The following TACC2 variants were observed in gnomAD, a reference collection of about 807,000 sequenced individuals.
The protein encoded by TACC2 is transforming acidic coiled-coil-containing protein 2.
Under a neutral mutation model 227.3 loss-of-function variants are expected in TACC2, and 137 were observed. That is an observed-to-expected ratio of 0.60 (90% CI 0.52 to 0.69). The LOEUF is 0.69. TACC2 is among the 30% of genes least tolerant of loss of function. The pLI is 0.00. For missense variants in TACC2, 3,470 were observed against 3,694.4 expected, an observed-to-expected ratio of 0.94 and a Z score of 1.57; for synonymous variants, 1,523 against 1,487.5, an observed-to-expected ratio of 1.02 and a Z score of -0.55.
At chr10:122,161,396 G>A (rs868360845) in intron 7 of TACC2, among the ~76,000 whole-genome samples, 3 of 152,246 alleles carry the variant, frequency 2.0e-5, no homozygotes, top group Middle Eastern at 3.4e-3. Context: ...TACTATACTT[G>A]GGGGGAAATT....
intron 9 of TACC2, chr10:122,213,486 G>T: frequency 1.8e-6 from 2 of 1,123,696 alleles, no homozygotes; most frequent in Non-Finnish European, 2.7e-6. Context: ...CTACTGATGT[G>T]TTTCTGTGGT....
chr10:122,104,862 T>A (rs7090284), intron 5 of TACC2, among the ~76,000 whole-genome samples: 134,220 of 152,260 alleles, frequency 0.88, 60,654 homozygotes, highest in East Asian at 0.98. Context: ...ACATCTCCCC[T>A]TACCTCTTCC....
In TACC2 at chr10:122,087,197, C is replaced by G; in HGVS notation, c.4697C>G (p.Thr1566Ser). 1 of 1,612,244 alleles carries G rather than the reference C, an allele frequency of 6.2e-7. No individual in the cohort carries two copies. The highest frequency in any genetic ancestry group is 1.1e-5 in the South Asian group (1 of 90,874). ...LASGLPSPAA[T>S]QELPVERAAA... ...TCAGGTCTTCCTTCACCAGCAGCTACTCAGGAGCTCCCTGTGGAGAGAGCT... is the reference window on the plus strand; with the variant it reads ...TCAGGTCTTCCTTCACCAGCAGCTAGTCAGGAGCTCCCTGTGGAGAGAGCT... The change falls in exon 4 of 23, where the codon ACT becomes AGT. Residue 1566 changes from threonine to serine, a missense_variant. By Grantham distance (58) the Thr-to-Ser change is moderately conservative (BLOSUM62 1). Transcript: ENST00000369005.
intron 7 of TACC2, among the ~76,000 whole-genome samples, chr10:122,189,666 T>C (rs2094340689): frequency 6.6e-6 from 1 of 152,256 alleles, no homozygotes; most frequent in Non-Finnish European, 1.5e-5. Context: ...TGGATTCGAA[T>C]ATGGAAGTAT....
In TACC2 at chr10:122,215,435, C is replaced by G; in HGVS notation, c.7328C>G (p.Ser2443Cys). 1 of 1,614,048 alleles carries G rather than the reference C, an allele frequency of 6.2e-7. No individual in the cohort carries two copies. Among genetic ancestry groups the G allele is most frequent in the African/African-American group, 1.3e-5 (1 of 75,036 alleles). ...VKKSPKRSPL[S>C]DPPSQDPTPA... ...AAGTCGCCAAAACGGTCTCCTCTCTCTGATCCACCTTCCCAGGTACAGTGT... is the reference window on the plus strand; with the variant it reads ...AAGTCGCCAAAACGGTCTCCTCTCTGTGATCCACCTTCCCAGGTACAGTGT... Residue 2443 changes from serine (S) to cysteine (C), a missense_variant, in exon 10 of 23, where the codon TCT becomes TGT. Transcript: ENST00000369005.
rs1267391596 is a variant in TACC2 at position 122,150,205 on chromosome 10, G to C, written c.5834+6499G>C. On this transcript the variant is annotated intron_variant, in intron 7 of 22. Transcript: ENST00000369005. The surrounding 1 kb of genome is among the most constrained non-coding windows in gnomAD (Gnocchi z 4.0). ...AGCTGGGAGAAGCTGCAAAGCTTCA[G>C]CTTGTGACGCCATCTGGGCGGCAGT... is the stretch of plus-strand genomic sequence containing the variant. Among the ~76,000 whole-genome samples, 1 of 152,236 alleles carries C rather than the reference G, an allele frequency of 6.6e-6. No individual in the cohort carries two copies. Among genetic ancestry groups the C allele is most frequent in the Non-Finnish European group, 1.5e-5 (1 of 68,042 alleles).
At chr10:122,234,711 C>A (rs549220867) in intron 16 of TACC2, among the ~76,000 whole-genome samples, 1 of 152,284 alleles carries the variant, frequency 6.6e-6, no homozygotes, top group Non-Finnish European at 1.5e-5. Flanking sequence ...TTCTTAGAAA[C>A]CCCATTATTT....
intron 7 of TACC2, among the ~76,000 whole-genome samples, chr10:122,153,569 A>G (rs2092260613): frequency 6.6e-6 from 1 of 152,174 alleles, no homozygotes; most frequent in African/African-American, 2.4e-5. Context: ...TGAAGCAGGG[A>G]CACCAAGTCC....
chr10:122,065,171 G>C (rs1477802019), intron 3 of TACC2, among the ~76,000 whole-genome samples: 1 of 152,090 alleles, frequency 6.6e-6, no homozygotes, highest in Non-Finnish European at 1.5e-5. Flanking sequence ...AGTAGTATTA[G>C]GTATAATCAC....
At chr10:122,088,069 G>T (rs2080284453) in intron 4 of TACC2, 110 bp downstream of exon 4, 3 of 1,199,332 alleles carry the variant, frequency 2.5e-6, no homozygotes. Flanking sequence ...TAAAAGCTGA[G>T]TTTTCCATAT....
chr10:122,236,273 C>A (rs2095855298), intron 16 of TACC2, among the ~76,000 whole-genome samples: 1 of 151,942 alleles, frequency 6.6e-6, no homozygotes, highest in South Asian at 2.1e-4. Context: ...TTCCCCAAAT[C>A]TCTCTCTCTC....
At chr10:122,006,184 C>T (rs1590949604) in intron 1 of TACC2, among the ~76,000 whole-genome samples, 1 of 152,110 alleles carries the variant, frequency 6.6e-6, no homozygotes, top group East Asian at 1.9e-4. Flanking sequence ...CACGGTGGCT[C>T]AAGCCTATAA....
chr10:122,189,368 C>T (rs146002129), intron 7 of TACC2, among the ~76,000 whole-genome samples: 2 of 152,314 alleles, frequency 1.3e-5, no homozygotes, highest in East Asian at 3.9e-4. Context: ...AGTTTTGTTT[C>T]TGGAAGGTCT....
chr10:122,089,375 G>A (rs1320273656), intron 5 of TACC2, among the ~76,000 whole-genome samples: 1 of 152,130 alleles, frequency 6.6e-6, no homozygotes, highest in Non-Finnish European at 1.5e-5. Context: ...TTTAGTCTCC[G>A]AAGCAGGAAT....
At chr10:121,990,887 A>G (rs1003377063) in intron 1 of TACC2, among the ~76,000 whole-genome samples, 2 of 151,978 alleles carry the variant, frequency 1.3e-5, no homozygotes, top group African/African-American at 4.8e-5. Context: ...TCCCAGGTTC[A>G]CTCGATTCTC....
At chr10:122,202,033 T>A (rs1316806038) in intron 8 of TACC2, among the ~76,000 whole-genome samples, 44 of 143,864 alleles carry the variant, frequency 3.1e-4, no homozygotes, top group Middle Eastern at 3.6e-3. Flanking sequence ...TTTTTTTTTT[T>A]AATTCATAAT....
At chr10:122,068,089 C>G (rs2077583429) in intron 3 of TACC2, among the ~76,000 whole-genome samples, 1 of 152,038 alleles carries the variant, frequency 6.6e-6, no homozygotes, top group African/African-American at 2.4e-5. Context: ...TAATCTTTTT[C>G]TCTGCAGTGG....
At chr10:122,232,726 C>T (rs948330987) in intron 16 of TACC2, among the ~76,000 whole-genome samples, 3 of 152,164 alleles carry the variant, frequency 2.0e-5, no homozygotes, top group African/African-American at 4.8e-5. Flanking sequence ...GGGTGGTCCA[C>T]GGGCCTGACC....
At chr10:122,046,381 G>A (rs963177915) in intron 2 of TACC2, among the ~76,000 whole-genome samples, 5 of 152,076 alleles carry the variant, frequency 3.3e-5, no homozygotes, top group East Asian at 3.9e-4. Flanking sequence ...GGCTGAGGCC[G>A]GATAATCACT....
Sources: gnomAD v4.1 joint callset for allele counts (sites outside exome capture counted in the v4.1 genomes callset) on GRCh38, gnomAD v4.1.1 for gene constraint, Gnocchi (gnomAD v3.1) non-coding constraint, MANE v1.5 for transcripts, NCBI Gene and HGNC (gene_info 2026-07-23, HGNC 2026-07-21) for gene names.